Variants in MACF1 observed in about 807,000 individuals in gnomAD.
MACF1 encodes microtubule-actin cross-linking factor 1.
In MACF1, 193 loss-of-function variants were observed where a neutral mutation model predicts 854.8. That is an observed-to-expected ratio of 0.23 (90% CI 0.20 to 0.25). MACF1 has a LOEUF of 0.25. MACF1 is among the 10% of genes least tolerant of loss of function. The probability of loss-of-function intolerance (pLI) is 1.00; values close to 1 mark genes in which losing one functional copy is unlikely to be tolerated. For missense variants in MACF1, 7,722 were observed against 8,929.1 expected (o/e 0.86, Z 5.45); for synonymous variants, 3,185 against 3,226.7 (o/e 0.99, Z 0.44).
At chr1:39,414,512 A>G (rs564768435) in intron 58 of MACF1, 1 of 1,612,508 alleles carries the variant, frequency 6.2e-7, no homozygotes, top group East Asian at 2.2e-5. Context: ...AAGGGTCTAA[A>G]GAGTAAAGTG....
In MACF1 at chr1:39,332,959, A is replaced by C; in HGVS notation, c.6371A>C (p.Glu2124Ala). Residue 2124 changes from glutamate to alanine, a missense_variant, in exon 37 of 101, where the codon GAA becomes GCA. By Grantham distance (107) the Glu-to-Ala change is moderately radical. Transcript: ENST00000564288. Reference sequence around the variant, plus strand: ...GACCAAACAGCAGTGTCTGTCAGAGAAAATGCCAGCAGGGGACACCTCCTG... The same window carrying C: ...GACCAAACAGCAGTGTCTGTCAGAGCAAATGCCAGCAGGGGACACCTCCTG... ...REDQTAVSVR[E>A]NASRGHLLTI... The C allele has an allele frequency of 6.2e-7, 1 of 1,614,172 alleles. No individual in the cohort carries two copies.
At chr1:39,410,723 G>C in intron 58 of MACF1, 4 of 1,613,936 alleles carry the variant, frequency 2.5e-6, no homozygotes, top group Non-Finnish European at 3.4e-6. Flanking sequence ...GCTTCTCTCA[G>C]TGAGGTTTCA....
intron 1 of MACF1, among the ~76,000 whole-genome samples, chr1:39,215,818 G>T (rs1431495971): frequency 3.3e-5 from 5 of 152,102 alleles, no homozygotes; most frequent in African/African-American, 9.6e-5. Flanking sequence ...GATGGGGGGT[G>T]GGAGGGAGGA....
intron 77 of MACF1, 41 bp from the exon 78 acceptor site, chr1:39,442,673 G>A: frequency 6.2e-7 from 1 of 1,610,788 alleles, no homozygotes; most frequent in Non-Finnish European, 8.5e-7. Context: ...CAAGTTAGAT[G>A]ATATCCATAG....
At chr1:39,296,810 G>GAA (rs1436271739) in intron 20 of MACF1, among the ~76,000 whole-genome samples, 1 of 119,204 alleles carries the variant, frequency 8.4e-6, no homozygotes, top group Admixed American at 7.7e-5. Flanking sequence ...GGAAAAGAAA[G>GAA]AAAGGAAGGA....
At chr1:39,437,364 G>T (rs1177901675) in intron 70 of MACF1, among the ~76,000 whole-genome samples, 4 of 150,888 alleles carry the variant, frequency 2.7e-5, no homozygotes, top group African/African-American at 9.8e-5. Flanking sequence ...AGGCTGGAGT[G>T]CAGTGGTGCT....
chr1:39,120,983 A>AG (rs1642692501), intron 2 of MACF1: 1 of 152,416 alleles, frequency 6.6e-6, no homozygotes, highest in African/African-American at 2.4e-5. Context: ...ATCCTTGTGC[A>AG]GGGGCCTCCC....
Position 39,409,140 on chromosome 1 carries a change from C to T in MACF1, c.15817-13234C>T, listed in dbSNP as rs1327265847. Among the ~76,000 whole-genome samples the T allele has an allele frequency of 6.6e-6, 1 of 152,056 alleles. No individual in the cohort carries two copies. Among genetic ancestry groups the T allele is most frequent in the Admixed American group, 6.5e-5 (1 of 15,276 alleles). ...CGGGGGAGGAGGACTCGCCCCCCGC[C>T]CGACCCTAGCGGAGCCTTTTGTTCC... On this transcript the variant is annotated intron_variant, in intron 58 of 100. Transcript: ENST00000564288. This position sits in a 1 kb window ranked among gnomAD's most constrained non-coding sequence, Gnocchi z 4.2.
At chr1:39,404,727 C>T (rs941028586) in intron 58 of MACF1, among the ~76,000 whole-genome samples, 6 of 152,114 alleles carry the variant, frequency 3.9e-5, no homozygotes, top group Admixed American at 6.5e-5. Flanking sequence ...TCAAGGGATA[C>T]CCCTGCCTCA....
At chr1:39,413,901 A>T (rs1202007629) in intron 58 of MACF1, 2 of 1,607,350 alleles carry the variant, frequency 1.2e-6, no homozygotes, top group Non-Finnish European at 1.7e-6. Flanking sequence ...TGGCCACCCT[A>T]GAGGAATTCA....
chr1:39,282,377 A>G lies in MACF1; in HGVS notation c.695+3A>G. 6.2e-7 allele frequency: 1 copy of G among 1,612,094 alleles called. No individual in the cohort carries two copies. On this transcript the variant is annotated splice_donor_region_variant and intron_variant, in intron 7 of 100. Transcript: ENST00000564288. ...AATGCACTCATTCACCGATACCGGTAAGAACAGTGGAATTTCTGTGCTCCT... is the reference window on the plus strand; with the variant it reads ...AATGCACTCATTCACCGATACCGGTGAGAACAGTGGAATTTCTGTGCTCCT...
Position 39,269,523 on chromosome 1 carries a change from T to A in MACF1, c.528+11495T>A, listed in dbSNP as rs372890180. The A allele has an allele frequency of 6.7e-5, 86 of 1,289,772 alleles. No individual in the cohort carries two copies. The East Asian group carries it at 3.8e-3, about 57-fold the overall frequency. 79.9% of individuals were successfully genotyped at this position (1,289,772 alleles called of 1,614,324 possible). Reference sequence around the variant, plus strand: ...CCCCCAGGATTCCAGACTGCCTACTTCTCAGAGTGATTTGTCCATCAGTGG... The same window carrying A: ...CCCCCAGGATTCCAGACTGCCTACTACTCAGAGTGATTTGTCCATCAGTGG... On this transcript the variant is annotated intron_variant, in intron 6 of 100. Coordinates refer to ENST00000564288, the MANE Select transcript of MACF1 (RefSeq NM_001394062.1).
chr1:39,176,784 GAT>G (rs1644035368), intron 2 of MACF1, among the ~76,000 whole-genome samples: 1 of 152,330 alleles, frequency 6.6e-6, no homozygotes, highest in African/African-American at 2.4e-5. Flanking sequence ...TGGGCCAAGT[GAT>G]ATAACTAGTT....
intron 11 of MACF1, 37 bp from the exon 12 acceptor site, chr1:39,285,046 T>C: frequency 1.2e-6 from 2 of 1,610,996 alleles, no homozygotes; most frequent in South Asian, 1.1e-5. Flanking sequence ...CAAGAGGGCA[T>C]GGCTGTGTTT....
intron 89 of MACF1, among the ~76,000 whole-genome samples, chr1:39,455,591 C>G (rs1226142403): frequency 6.6e-6 from 1 of 152,080 alleles, no homozygotes; most frequent in East Asian, 1.9e-4. Context: ...CCATCATTTG[C>G]CCACACTCAA....
chr1:39,372,890 C>T (rs1257331503), intron 52 of MACF1: 2 of 298,336 alleles, frequency 6.7e-6, no homozygotes, highest in Non-Finnish European at 1.3e-5. Context: ...TGAGAATTTC[C>T]CTTTTTTGAA....
chr1:39,295,006 C>A (rs963421570), intron 18 of MACF1, 40 bp from the exon 19 acceptor site: 2 of 1,455,552 alleles, frequency 1.4e-6, no homozygotes, highest in Non-Finnish European at 1.9e-6. Flanking sequence ...CTCCCCACTG[C>A]CAAGAGTGCT....
In MACF1 at chr1:39,388,194, C is replaced by T; in HGVS notation, c.15352C>T (p.Leu5118=). ...TGGTTGTGTGATGATGGAAAACAAG[C>T]TGGAGGGGATTGGCCAGTTTCACTG... ...NSGCVMMENK[L]EGIGQFHCRV... Residue 5118 remains leucine (L), a synonymous_variant, in exon 58 of 101, where the codon CTG becomes TTG. Coordinates refer to ENST00000564288, the MANE Select transcript of MACF1 (RefSeq NM_001394062.1). 1 of 1,614,142 alleles carries T rather than the reference C, an allele frequency of 6.2e-7. No individual in the cohort carries two copies. Among genetic ancestry groups the T allele is most frequent in the Non-Finnish European group, 8.5e-7 (1 of 1,180,030 alleles).
rs139086219 is a variant in MACF1, at chr1:39,428,237, G to T, written c.16753G>T (p.Val5585Leu). 1.2e-6 allele frequency: 2 copies of T among 1,613,776 alleles called. No homozygotes were observed. Among genetic ancestry groups the T allele is most frequent in the South Asian group, 2.2e-5 (2 of 90,996 alleles). Reference protein sequence around the residue: ...EVEDKLSSVFVKDFKQDVLHR... With the variant: ...EVEDKLSSVFLKDFKQDVLHR... ...TGAGGACAAGCTCAGTTCAGTGTTC[G>T]TAAAGGATTTCAAACAGGATGTCCT... The change falls in exon 63 of 101, where the codon GTA becomes TTA. Residue 5585 changes from valine to leucine, a missense_variant. Val to Leu is a conservative substitution (Grantham distance 32). Around this residue, in one of 15 missense-constraint regions of MACF1, gnomAD observed 2,807 missense variants for 3,235.8 expected, o/e 0.87. Transcript: ENST00000564288.
Sources: gnomAD v4.1 joint callset for allele counts (sites outside exome capture counted in the v4.1 genomes callset) on GRCh38, gnomAD v4.1.1 for gene constraint, gnomAD v4.1.1 regional missense constraint, Gnocchi (gnomAD v3.1) non-coding constraint, MANE v1.5 for transcripts, NCBI Gene and HGNC (gene_info 2026-07-23, HGNC 2026-07-21) for gene names.